The following BICC1 variants were observed in gnomAD, a reference collection of about 807,000 sequenced individuals.
BICC1 encodes the protein protein bicaudal C homolog 1.
A neutral mutation model predicts 111.0 loss-of-function variants in BICC1; 43 were observed. The ratio of observed to expected loss-of-function variants is 0.39; its 90% confidence interval spans 0.30 to 0.50. BICC1 has a LOEUF of 0.50. BICC1 is among the 20% of genes least tolerant of loss of function. The pLI, the probability that BICC1 is intolerant of heterozygous loss-of-function variation, is 0.88. For synonymous variants in BICC1, 467 were observed against 434.4 expected (o/e 1.07, Z -0.93); for missense variants, 1,091 against 1,203.2 (o/e 0.91, Z 1.38).
chr10:58,678,995 A>G (rs1839430677), intron 2 of BICC1, among the ~76,000 whole-genome samples: 1 of 152,216 alleles, frequency 6.6e-6, no homozygotes, highest in Non-Finnish European at 1.5e-5. Context: ...AATGTGAACG[A>G]AGACACAATG....
intron 3 of BICC1, among the ~76,000 whole-genome samples, chr10:58,702,903 A>G (rs984607669): frequency 2.6e-5 from 4 of 152,172 alleles, no homozygotes; most frequent in East Asian, 1.9e-4. Context: ...CTGAGCTGCA[A>G]TTATCCATCA....
chr10:58,717,221 A>AT (rs1292362596), intron 3 of BICC1, among the ~76,000 whole-genome samples: 3 of 152,114 alleles, frequency 2.0e-5, no homozygotes, highest in Non-Finnish European at 4.4e-5. Flanking sequence ...GTGATAGTTT[A>AT]TTTTTTTGTA....
chr10:58,564,783 T>G (rs1843706548), intron 1 of BICC1, among the ~76,000 whole-genome samples: 1 of 152,224 alleles, frequency 6.6e-6, no homozygotes, highest in Non-Finnish European at 1.5e-5. Flanking sequence ...GCTATTTATT[T>G]GAGAAAAATC....
intron 2 of BICC1, among the ~76,000 whole-genome samples, chr10:58,692,082 AGTT>A (rs1839926331): frequency 6.6e-6 from 1 of 152,150 alleles, no homozygotes; most frequent in African/African-American, 2.4e-5. Context: ...AATGAGATAC[AGTT>A]GTTGGCCACC....
intron 1 of BICC1, among the ~76,000 whole-genome samples, chr10:58,599,129 G>T (rs1255464330): frequency 6.6e-6 from 1 of 152,056 alleles, no homozygotes; most frequent in Non-Finnish European, 1.5e-5. Context: ...ATACCATCTG[G>T]CCCAACAATC....
At chr10:58,650,916 A>G (rs1838427128) in intron 2 of BICC1, 1 of 152,122 alleles carries the variant, frequency 6.6e-6, no homozygotes. Flanking sequence ...AACCAACTGC[A>G]GTCAGTCTTT....
intron 2 of BICC1, among the ~76,000 whole-genome samples, chr10:58,684,131 A>G (rs1589017159): frequency 6.6e-6 from 1 of 152,152 alleles, no homozygotes; most frequent in South Asian, 2.1e-4. Context: ...TGTTGAGATA[A>G]TCGTATGGTT....
chr10:58,576,660 A>G (rs1844122186), intron 1 of BICC1, among the ~76,000 whole-genome samples: 2 of 152,180 alleles, frequency 1.3e-5, no homozygotes, highest in Non-Finnish European at 2.9e-5. Flanking sequence ...GGTGTTATAC[A>G]TTGTTACAAA....
chr10:58,764,629 C>CTTTTTT (rs11366847), intron 3 of BICC1, among the ~76,000 whole-genome samples: 22 of 117,528 alleles, frequency 1.9e-4, no homozygotes, highest in East Asian at 2.5e-4. Context: ...TAATTTCCTT[C>CTTTTTT]TTTTTTTTTT....
Position 58,799,198 on chromosome 10 carries a change from C to T in BICC1, c.1671C>T (p.Asn557=). 1.2e-6 allele frequency: 2 copies of T among 1,613,594 alleles called. No individual in the cohort carries two copies. Among genetic ancestry groups the T allele is most frequent in the Non-Finnish European group, 1.7e-6 (2 of 1,179,790 alleles). Residue 557 remains asparagine (N), a synonymous_variant, in exon 12 of 21, where the codon AAC becomes AAT. Transcript: ENST00000373886. The stretch of plus-strand genomic sequence containing the variant: ...TGACTCCTGTTGATGTCCATATCAA[C>T]AGTATGCAGACCGAAGGCAAAAAAA... ...PGLTPVDVHI[N]SMQTEGKKIS...
intron 2 of BICC1, among the ~76,000 whole-genome samples, chr10:58,694,604 T>C (rs1277995062): frequency 1.3e-5 from 2 of 152,200 alleles, no homozygotes; most frequent in Non-Finnish European, 2.9e-5. Context: ...GGATTTGTCC[T>C]GTCCTCTGTT....
intron 2 of BICC1, among the ~76,000 whole-genome samples, chr10:58,691,066 C>T (rs1460284114): frequency 6.6e-6 from 1 of 152,056 alleles, no homozygotes; most frequent in African/African-American, 2.4e-5. Context: ...AAGTATATAT[C>T]CAAGAGACCA....
chr10:58,769,038 C>G (rs1183116289), intron 3 of BICC1, among the ~76,000 whole-genome samples: 1 of 151,960 alleles, frequency 6.6e-6, no homozygotes, highest in Non-Finnish European at 1.5e-5. Context: ...AAACCAGACA[C>G]AAACAGACAA....
At chr10:58,745,859 G>T (rs1312328753) in intron 3 of BICC1, among the ~76,000 whole-genome samples, 1 of 152,026 alleles carries the variant, frequency 6.6e-6, no homozygotes, top group Non-Finnish European at 1.5e-5. Context: ...GGGTTAGGAT[G>T]TGGAGATCTT....
At chr10:58,769,400 G>GTA (rs1202556984) in intron 3 of BICC1, among the ~76,000 whole-genome samples, 24 of 106,588 alleles carry the variant, frequency 2.3e-4, no homozygotes, top group African/African-American at 5.5e-4. Context: ...GTGTGTGTGT[G>GTA]TGTGTATATA....
chr10:58,639,564 ATTGT>A (rs753488016), intron 2 of BICC1, among the ~76,000 whole-genome samples: 10 of 56,484 alleles, frequency 1.8e-4, no homozygotes, highest in East Asian at 5.5e-4. Context: ...CACCCAGCTA[ATTGT>A]TTTTTTTTTT....
intron 1 of BICC1, among the ~76,000 whole-genome samples, chr10:58,603,179 C>G (rs1336879103): frequency 6.6e-6 from 1 of 152,148 alleles, no homozygotes; most frequent in South Asian, 2.1e-4. Context: ...GAATCTCTTA[C>G]TTGCCTCAGA....
At chr10:58,801,371 A>G (rs993097423) in intron 14 of BICC1, among the ~76,000 whole-genome samples, 4 of 152,058 alleles carry the variant, frequency 2.6e-5, no homozygotes, top group Non-Finnish European at 5.9e-5. Context: ...TTGCTGTTAG[A>G]AATTTTCCCA....
chr10:58,684,324 TC>T (rs759829421), intron 2 of BICC1, among the ~76,000 whole-genome samples: 11 of 152,086 alleles, frequency 7.2e-5, no homozygotes, highest in Non-Finnish European at 1.2e-4. Context: ...GGGATATTGG[TC>T]TAAAATTCTC....
Sources: gnomAD v4.1 joint callset for allele counts (sites outside exome capture counted in the v4.1 genomes callset) on GRCh38, gnomAD v4.1.1 for gene constraint, MANE v1.5 for transcripts, NCBI Gene and HGNC (gene_info 2026-07-23, HGNC 2026-07-21) for gene names.